The following ABHD2 variants were observed in gnomAD, a reference collection of about 807,000 sequenced individuals.
ABHD2 encodes the protein monoacylglycerol lipase ABHD2.
A neutral mutation model predicts 48.1 loss-of-function variants in ABHD2; 20 were observed. The observed-to-expected ratio is 0.42, with a 90% CI of 0.29 to 0.60. The LOEUF is 0.60. Ranked by LOEUF, ABHD2 falls within the 20% of genes least tolerant of loss-of-function variation. ABHD2 has a pLI of 0.24. For synonymous variants in ABHD2, 209 were observed against 214.2 expected (o/e 0.98, Z 0.21); for missense variants, 405 against 550.9 (o/e 0.74, Z 2.65).
At chr15:89,190,885 T>A (rs1243913221) in intron 8 of ABHD2, among the ~76,000 whole-genome samples, 195 bp from the exon 9 acceptor site, 1 of 152,154 alleles carries the variant, frequency 6.6e-6, no homozygotes, top group Admixed American at 6.5e-5. Context: ...TACATTTCAT[T>A]GATATGATGA....
At position 89,164,407 on chromosome 15, in the gene ABHD2, T is replaced by C. The variant is rs1567099320; in HGVS notation, c.538+8873T>C. Among the ~76,000 whole-genome samples the C allele has an allele frequency of 6.6e-6, 1 of 152,192 alleles. No homozygotes were observed. ...TAGAGAGAGATGGTCAGGAAAGGCC[T>C]GCAGCGGGAGAGAACCTGTGCTTTA... is the stretch of plus-strand genomic sequence containing the variant. On this transcript the variant is annotated intron_variant, in intron 5 of 10. Coordinates refer to ENST00000352732, the MANE Select transcript of ABHD2 (RefSeq NM_152924.5). This position sits in a 1 kb window ranked among gnomAD's most constrained non-coding sequence, Gnocchi z 5.0.
At chr15:89,079,202 C>G in the ABHD2 span, among the ~76,000 whole-genome samples, 1 of 152,214 alleles carries the variant, frequency 6.6e-6, no homozygotes, top group African/African-American at 2.4e-5. This position sits in a 1 kb window ranked among gnomAD's most constrained non-coding sequence, Gnocchi z 4.3. Flanking sequence ...ACATAATTGA[C>G]TGTTCCTCTA....
chr15:89,183,619 C>T (rs969718443), intron 6 of ABHD2, among the ~76,000 whole-genome samples: 1 of 151,752 alleles, frequency 6.6e-6, no homozygotes, highest in African/African-American at 2.4e-5. Flanking sequence ...CTCCCTGAGC[C>T]CTGGGTCCCT....
intron 3 of ABHD2, among the ~76,000 whole-genome samples, chr15:89,117,237 G>A (rs1345999531): frequency 6.6e-6 from 1 of 152,202 alleles, no homozygotes; most frequent in Admixed American, 6.5e-5. Context: ...TGTTGGCCAG[G>A]CTGGTCTTGA....
chr15:89,201,585 G>A lies in ABHD2; in HGVS notation c.*6162G>A. The A allele has an allele frequency of 6.3e-7, 1 of 1,595,004 alleles. No homozygotes were observed. Among genetic ancestry groups the A allele is most frequent in the Non-Finnish European group, 8.6e-7 (1 of 1,162,728 alleles). ...CTGTAGCATTACTGAAACAGTCACAGTTGACCCTGGGTCAATAATTCCACT... is the reference window on the plus strand; with the variant it reads ...CTGTAGCATTACTGAAACAGTCACAATTGACCCTGGGTCAATAATTCCACT... On this transcript the variant is annotated 3_prime_UTR_variant, in exon 11 of 11. Coordinates refer to ENST00000352732, the MANE Select transcript of ABHD2 (RefSeq NM_152924.5).
chr15:89,096,164 A>G (rs2049610396), intron 1 of ABHD2, among the ~76,000 whole-genome samples: 1 of 152,240 alleles, frequency 6.6e-6, no homozygotes, highest in African/African-American at 2.4e-5. Context: ...CTGCCCAGGC[A>G]CAGGCAGGAC....
chr15:89,067,569 G>A, the ABHD2 span, among the ~76,000 whole-genome samples: 1 of 152,112 alleles, frequency 6.6e-6, no homozygotes, highest in Non-Finnish European at 1.5e-5. Context: ...CACAGAGCTT[G>A]GTGTTCCAAA....
chr15:89,172,608 G>A (rs2050948245), intron 5 of ABHD2, among the ~76,000 whole-genome samples: 2 of 152,186 alleles, frequency 1.3e-5, no homozygotes, highest in Admixed American at 1.3e-4. Flanking sequence ...ATTTTTAAAA[G>A]AGAAAATAAT....
the ABHD2 span, among the ~76,000 whole-genome samples, chr15:89,052,568 C>A: frequency 6.6e-6 from 1 of 151,580 alleles, no homozygotes; most frequent in African/African-American, 2.4e-5. Context: ...GACACACACA[C>A]ACACACACAC....
chr15:89,141,789 G>A lies in ABHD2; in HGVS notation c.195-9888G>A, dbSNP rs112240919. 6.7e-3 allele frequency among the ~76,000 whole-genome samples: 1,020 copies of A among 152,256 alleles called. 13 individuals are homozygous for A. The highest frequency in any genetic ancestry group is 0.023 in the African/African-American group (963 of 41,536). ...CTGGCTTGGAAGCCCACGTTGACCA[G>A]CTCCTCAATAAACAGATTTCTATCA... On this transcript the variant is annotated intron_variant, in intron 3 of 10. Coordinates refer to ENST00000352732, the MANE Select transcript of ABHD2 (RefSeq NM_152924.5).
chr15:89,129,449 G>T (rs2050185409), intron 3 of ABHD2, among the ~76,000 whole-genome samples: 1 of 152,180 alleles, frequency 6.6e-6, no homozygotes, highest in Non-Finnish European at 1.5e-5. Context: ...TTTCAGGAGT[G>T]AGGTGAATAA....
chr15:89,199,997 C>T lies in ABHD2; in HGVS notation c.*4574C>T, dbSNP rs1381301501. The T allele has an allele frequency of 6.6e-6, 1 of 152,640 alleles. No homozygotes were observed. Among genetic ancestry groups the T allele is most frequent in the African/African-American group, 2.4e-5 (1 of 41,450 alleles). The allele number at this position is 152,640 out of a possible 1,614,324, so 9.5% of individuals were successfully genotyped here. On this transcript the variant is annotated 3_prime_UTR_variant, in exon 11 of 11. Coordinates refer to ENST00000352732, the MANE Select transcript of ABHD2 (RefSeq NM_152924.5). This position sits in a 1 kb window ranked among gnomAD's most constrained non-coding sequence, Gnocchi z 4.1. The stretch of plus-strand genomic sequence containing the variant: ...CTGCCTCGGAACGCTGCAGCCCAGG[C>T]TTCCTCCCACAGTGGCCCTTGGAAG...
At chr15:89,178,783 G>A (rs1313597973) in intron 6 of ABHD2, among the ~76,000 whole-genome samples, 1 of 152,198 alleles carries the variant, frequency 6.6e-6, no homozygotes, top group African/African-American at 2.4e-5. Context: ...TGTGTGGTGA[G>A]ACATCCTCCT....
rs1480440294 is a variant in ABHD2 at position 89,097,947 on chromosome 15, G to A, written c.-107+9384G>A. On this transcript the variant is annotated intron_variant, in intron 1 of 10. Coordinates refer to ENST00000352732, the MANE Select transcript of ABHD2 (RefSeq NM_152924.5). This position sits in a 1 kb window ranked among gnomAD's most constrained non-coding sequence, Gnocchi z 4.2. ...ACTCTGTCACGCAGGCTGGATTGCA[G>A]TGGCAGGATCTGGGCTCACTGCAGC... Among the ~76,000 whole-genome samples the A allele has an allele frequency of 6.6e-6, 1 of 152,110 alleles. No individual in the cohort carries two copies. Among genetic ancestry groups the A allele is most frequent in the Non-Finnish European group, 1.5e-5 (1 of 68,014 alleles).
intron 3 of ABHD2, chr15:89,135,841 C>T: frequency 1.2e-5 from 9 of 747,496 alleles, no homozygotes; most frequent in Middle Eastern, 3.8e-4. Flanking sequence ...GATATTTGGG[C>T]GATACTCAGA....
intron 3 of ABHD2, among the ~76,000 whole-genome samples, chr15:89,125,871 A>G (rs1179360664): frequency 6.6e-6 from 1 of 152,178 alleles, no homozygotes; most frequent in Non-Finnish European, 1.5e-5. Context: ...TCTCTAACCT[A>G]GATACAGATT....
rs577208404 is a variant in ABHD2 at position 89,130,073 on chromosome 15, CAATG to C, written c.194+13555_194+13558del. Among the ~76,000 whole-genome samples the C allele has an allele frequency of 3.7e-3, 568 of 152,188 alleles. 5 individuals are homozygous for C. The highest frequency in any genetic ancestry group is 0.013 in the African/African-American group (552 of 41,524). ...ACCTCATAATGTTAAGACTTGGTAA[CAATG>C]AAGCCTTAAAACATGAAATATTATT... is the stretch of plus-strand genomic sequence containing the variant. On this transcript the variant is annotated intron_variant, in intron 3 of 10. Transcript: ENST00000352732.
chr15:89,114,479 TG>T lies in ABHD2; in HGVS notation c.-7+656del, dbSNP rs2049924740. 6.6e-6 allele frequency among the ~76,000 whole-genome samples: 1 copy of T among 152,100 alleles called. No homozygotes were observed. The highest frequency in any genetic ancestry group is 1.5e-5 in the Non-Finnish European group (1 of 68,014). On this transcript the variant is annotated intron_variant, in intron 2 of 10. Coordinates refer to ENST00000352732, the MANE Select transcript of ABHD2 (RefSeq NM_152924.5). The surrounding 1 kb of genome is among the most constrained non-coding windows in gnomAD (Gnocchi z 4.2). ...ACCAGAAGTTAAGTTTTTTTTGTTT[TG>T]TTTTTTGTTTTTGTTTTTTTGAGAC...
the ABHD2 span, among the ~76,000 whole-genome samples, chr15:89,060,917 T>C: frequency 2.6e-5 from 4 of 151,954 alleles, no homozygotes; most frequent in African/African-American, 9.7e-5. Context: ...AAAAAAATAA[T>C]GAAATCATGT....
Sources: gnomAD v4.1 joint callset for allele counts (sites outside exome capture counted in the v4.1 genomes callset) on GRCh38, gnomAD v4.1.1 for gene constraint, Gnocchi (gnomAD v3.1) non-coding constraint, MANE v1.5 for transcripts, NCBI Gene and HGNC (gene_info 2026-07-23, HGNC 2026-07-21) for gene names.